Variants in OPA3 observed in about 807,000 individuals in gnomAD.
OPA3 encodes the protein outer mitochondrial membrane lipid metabolism regulator OPA3, also known as optic atrophy 3 protein.
In OPA3, 6 loss-of-function variants were observed where a neutral mutation model predicts 4.0. The ratio of observed to expected loss-of-function variants is 1.51; its 90% confidence interval spans 0.83 to 2.99. The LOEUF is 2.99. OPA3 is among the 30% of genes most tolerant of loss of function. The probability of loss-of-function intolerance (pLI) is 0.00; values close to 1 mark genes in which losing one functional copy is unlikely to be tolerated. For missense variants in OPA3, 235 were observed against 256.2 expected (o/e 0.92, Z 0.56); for synonymous variants, 105 against 117.1 (o/e 0.90, Z 0.67).
chr19:45,583,221 G>A (rs894033466), intron 1 of OPA3, among the ~76,000 whole-genome samples: 26 of 151,980 alleles, frequency 1.7e-4, no homozygotes, highest in African/African-American at 6.3e-4. Context: ...TACGATCTCG[G>A]CTCACTGCAA....
At chr19:45,559,397 C>CTTTTT (rs71338781) in intron 1 of OPA3, among the ~76,000 whole-genome samples, 109 of 59,850 alleles carry the variant, frequency 1.8e-3, no homozygotes, top group African/African-American at 2.7e-3. Context: ...CTTTTTCTTT[C>CTTTTT]TTTTTTTTTT....
rs1969248476 is a variant in OPA3 at position 45,546,364 on chromosome 19, T to C, written c.*7150A>G. 1 of 650,392 alleles carries C rather than the reference T, an allele frequency of 1.5e-6. No individual in the cohort carries two copies. The highest frequency in any genetic ancestry group is 1.9e-6 in the Non-Finnish European group (1 of 524,698). 40.3% of individuals were successfully genotyped at this position (650,392 alleles called of 1,614,324 possible). A position where few individuals can be genotyped will look rare whatever the true frequency, so the allele number is the denominator to read the frequency against. The stretch of plus-strand genomic sequence containing the variant: ...CTACATATAATAGATGATGTTATGT[T>C]ACACATGACATAAAATATATATTTT... On this transcript the variant is annotated 3_prime_UTR_variant, in exon 2 of 2. Coordinates refer to ENST00000263275, the MANE Select transcript of OPA3 (RefSeq NM_025136.4).
At chr19:45,581,384 C>T (rs1360134875) in intron 1 of OPA3, among the ~76,000 whole-genome samples, 3 of 152,178 alleles carry the variant, frequency 2.0e-5, no homozygotes, top group Non-Finnish European at 2.9e-5. Context: ...TTTCCTTACG[C>T]CTTGTCCTGG....
rs937431362 is a variant in OPA3 at position 45,552,936 on chromosome 19, A to G, written c.*578T>C. ...AGTGATCCGCCCGCCTCGGCCTCCC[A>G]AGGTGCTAGGATTACAGGCGTGAGC... On this transcript the variant is annotated 3_prime_UTR_variant, in exon 2 of 2. Coordinates refer to ENST00000263275, the MANE Select transcript of OPA3 (RefSeq NM_025136.4). The G allele has an allele frequency of 6.2e-6, 6 of 966,680 alleles. No individual in the cohort carries two copies. In the South Asian group the frequency reaches 1.9e-4, roughly 31 times the overall value. 59.9% of individuals were successfully genotyped at this position (966,680 alleles called of 1,614,324 possible).
intron 1 of OPA3, among the ~76,000 whole-genome samples, chr19:45,572,082 C>T (rs916456761): frequency 2.1e-5 from 3 of 139,892 alleles, no homozygotes; most frequent in South Asian, 4.6e-4. Flanking sequence ...ATGGTGGCTG[C>T]TTTTTTCATG....
At position 45,584,678 on chromosome 19, in the gene OPA3, C is replaced by A. The variant is rs1194417590; in HGVS notation, c.87G>T (p.Glu29Asp). 1.2e-6 allele frequency: 2 copies of A among 1,614,210 alleles called. No homozygotes were observed. Among genetic ancestry groups the A allele is most frequent in the South Asian group, 2.2e-5 (2 of 91,090 alleles). Residue 29 changes from glutamate to aspartate, a missense_variant, in exon 1 of 2, where the codon GAG becomes GAT. Physicochemically the swap from Glu to Asp is conservative, Grantham distance 45. Transcript: ENST00000263275. ...TGAAGAACTCGCTTCGGCGGGCGGC[C>A]TCCTTAATACGGTTGGCAAGCGGCT... The part of the protein sequence containing the change: ...VSKPLANRIK[E>D]AARRSEFFKT...
downstream of OPA3, among the ~76,000 whole-genome samples, chr19:45,545,089 CG>C (rs935868690): frequency 7.0e-6 from 1 of 143,738 alleles, no homozygotes. Flanking sequence ...CACTTGAACC[CG>C]GGAGGCAGAG....
intron 1 of OPA3, among the ~76,000 whole-genome samples, chr19:45,555,420 C>T (rs970416783): frequency 2.0e-5 from 3 of 152,034 alleles, no homozygotes; most frequent in South Asian, 2.1e-4. Context: ...ACTGCAGCCT[C>T]GACCTTCCAG....
At chr19:45,570,664 GCGA>G (rs1329301113) in intron 1 of OPA3, among the ~76,000 whole-genome samples, 2 of 151,966 alleles carry the variant, frequency 1.3e-5, no homozygotes, top group East Asian at 3.8e-4. Context: ...TACAGCCTGG[GCGA>G]CAGAGTGAGA....
intron 1 of OPA3, among the ~76,000 whole-genome samples, chr19:45,540,209 C>T (rs554591941): frequency 3.3e-5 from 5 of 151,528 alleles, no homozygotes; most frequent in South Asian, 2.1e-4. Context: ...CCCAGCTACT[C>T]GGGAGGCTGA....
chr19:45,541,461 T>G (rs2122397050), downstream of OPA3, among the ~76,000 whole-genome samples: 1 of 152,114 alleles, frequency 6.6e-6, no homozygotes, highest in East Asian at 1.9e-4. Flanking sequence ...ATCCCAGCAC[T>G]TTGGGAGGCT....
At chr19:45,556,711 T>C (rs554520993) in intron 1 of OPA3, among the ~76,000 whole-genome samples, 1 of 152,216 alleles carries the variant, frequency 6.6e-6, no homozygotes, top group South Asian at 2.1e-4. Flanking sequence ...CTTGGGGAGC[T>C]CTGCTGGAGC....
chr19:45,558,972 C>T (rs973541704), intron 1 of OPA3, among the ~76,000 whole-genome samples: 5 of 152,038 alleles, frequency 3.3e-5, no homozygotes, highest in Admixed American at 2.0e-4. Context: ...CAACCTCTGC[C>T]TCCCGGGTTC....
chr19:45,548,809 A>ATTT lies in OPA3; in HGVS notation c.*4702_*4704dup. ...ATGGACCTTATTTATTTATTTATTT[A>ATTT]TTTATTTATTTAGAGATGAAGTCTC... On this transcript the variant is annotated 3_prime_UTR_variant, in exon 2 of 2. Coordinates refer to ENST00000263275, the MANE Select transcript of OPA3 (RefSeq NM_025136.4). 7.8e-6 allele frequency: 6 copies of ATTT among 772,726 alleles called. No homozygotes were observed. Among genetic ancestry groups the ATTT allele is most frequent in the Non-Finnish European group, 9.4e-6 (6 of 636,924 alleles). 47.9% of individuals were successfully genotyped at this position (772,726 alleles called of 1,614,324 possible).
chr19:45,531,949 T>C (rs928864783), intron 1 of OPA3, among the ~76,000 whole-genome samples: 1 of 152,260 alleles, frequency 6.6e-6, no homozygotes, highest in Non-Finnish European at 1.5e-5. Flanking sequence ...CTTTGCCTTT[T>C]ACTCCTGGGA....
chr19:45,572,738 T>C lies in OPA3; in HGVS notation c.142+11885A>G, dbSNP rs575318417. 1.1e-4 allele frequency among the ~76,000 whole-genome samples: 15 copies of C among 139,712 alleles called. No homozygotes were observed. In the South Asian group the frequency reaches 3.3e-3, roughly 30 times the overall value. The allele number at this position is 139,712 out of a possible 152,430, so 91.7% of individuals were successfully genotyped here. ...CAATATATACCTATATATCATACTA[T>C]ATATATAGATATATATCTCGATATA... is the stretch of plus-strand genomic sequence containing the variant. On this transcript the variant is annotated intron_variant, in intron 1 of 1. Transcript: ENST00000263275.
At position 45,568,019 on chromosome 19, in the gene OPA3, GAC is replaced by G. The variant is rs372338658; in HGVS notation, c.143-14110_143-14109del. On this transcript the variant is annotated intron_variant, in intron 1 of 1. Coordinates refer to ENST00000263275, the MANE Select transcript of OPA3 (RefSeq NM_025136.4). ...ACAATGATTATTACTGTTATTTTGA[GAC>G]ACAGTCTCACTCTATCACACAAGCT... Among the ~76,000 whole-genome samples, 384 of 152,170 alleles carry G rather than the reference GAC, an allele frequency of 2.5e-3. 3 individuals carry two copies. The highest frequency in any genetic ancestry group is 4.2e-3 in the Non-Finnish European group (287 of 68,010).
chr19:45,544,596 AC>A (rs575779782), downstream of OPA3, among the ~76,000 whole-genome samples: 27 of 152,246 alleles, frequency 1.8e-4, 1 homozygote, highest in South Asian at 5.4e-3. Flanking sequence ...GGAGTTCGAG[AC>A]CAGCCTGACC....
chr19:45,561,854 T>A (rs759786765), intron 1 of OPA3, among the ~76,000 whole-genome samples: 2 of 151,522 alleles, frequency 1.3e-5, no homozygotes, highest in Non-Finnish European at 2.9e-5. Context: ...GGCAAGACAA[T>A]CGCTTGAACC....
Sources: gnomAD v4.1 joint callset for allele counts (sites outside exome capture counted in the v4.1 genomes callset) on GRCh38, gnomAD v4.1.1 for gene constraint, MANE v1.5 for transcripts, NCBI Gene and HGNC (gene_info 2026-07-23, HGNC 2026-07-21) for gene names.